CNTN4: variants seen among roughly 807,000 people sequenced by gnomAD.
The protein encoded by CNTN4 is contactin 4, also known as contactin-4.
A neutral mutation model predicts 122.5 loss-of-function variants in CNTN4; 77 were observed. The ratio of observed to expected loss-of-function variants is 0.63; its 90% confidence interval spans 0.52 to 0.76. The LOEUF is 0.76. CNTN4 is among the 30% of genes least tolerant of loss of function. The pLI is 0.00. For synonymous variants in CNTN4, 512 were observed against 447.0 expected (o/e 1.15, Z -1.83); for missense variants, 1,256 against 1,259.1 (o/e 1.00, Z 0.04).
chr3:2,405,579 A>C (rs368912878), intron 3 of CNTN4, among the ~76,000 whole-genome samples: 1 of 142,888 alleles, frequency 7.0e-6, no homozygotes, highest in African/African-American at 2.6e-5. Context: ...ATGCGAACCC[A>C]TACTGTTATA....
intron 14 of CNTN4, among the ~76,000 whole-genome samples, chr3:3,021,338 C>T (rs185312396): frequency 2.1e-4 from 32 of 152,148 alleles, no homozygotes; most frequent in Admixed American, 6.5e-4. Flanking sequence ...GAGATGCTAC[C>T]TCAGGATTAT....
At chr3:2,416,737 T>A (rs1251422640) in intron 3 of CNTN4, among the ~76,000 whole-genome samples, 2 of 152,068 alleles carry the variant, frequency 1.3e-5, no homozygotes, top group Admixed American at 6.5e-5. Flanking sequence ...CACTGCAAGC[T>A]CTGCCTCTCG....
At chr3:2,629,545 G>A (rs964110707) in intron 4 of CNTN4, 1 of 452,990 alleles carries the variant, frequency 2.2e-6, no homozygotes, top group Non-Finnish European at 4.4e-6. Context: ...CTGACTTCTG[G>A]TCCTTGCTGG....
intron 2 of CNTN4, among the ~76,000 whole-genome samples, chr3:2,287,781 G>C (rs2041995778): frequency 1.3e-5 from 2 of 150,726 alleles, no homozygotes; most frequent in Admixed American, 1.3e-4. Context: ...AGAAGAAGGA[G>C]AAGAAGAGGA....
rs545099083 is a variant in CNTN4 at position 2,545,617 on chromosome 3, CT to C, written c.-88-25786del. Among the ~76,000 whole-genome samples, 846 of 139,752 alleles carry C rather than the reference CT, an allele frequency of 6.1e-3. 6 individuals carry two copies. The highest frequency in any genetic ancestry group is 0.032 in the South Asian group (142 of 4,434). The allele number at this position is 139,752 out of a possible 152,430, so 91.7% of individuals were successfully genotyped here. On this transcript the variant is annotated intron_variant, in intron 3 of 24. Coordinates refer to ENST00000418658, the MANE Select transcript of CNTN4 (RefSeq NM_175607.3). ...TGAACCCTTTACTGTTATGTAATGC[CT>C]TTTTTTTTTTTTATCCTTTTCATCT...
intron 3 of CNTN4, among the ~76,000 whole-genome samples, chr3:2,544,038 T>C (rs146724416): frequency 1.0e-3 from 152 of 152,262 alleles, no homozygotes; most frequent in African/African-American, 3.3e-3. Flanking sequence ...TATTATTAAT[T>C]TGTTAATTCA....
At chr3:2,781,200 C>T (rs2091554300) in intron 6 of CNTN4, among the ~76,000 whole-genome samples, 1 of 152,202 alleles carries the variant, frequency 6.6e-6, no homozygotes, top group Admixed American at 6.5e-5. Flanking sequence ...AAAGCTCAAA[C>T]TCACTGAATT....
intron 3 of CNTN4, among the ~76,000 whole-genome samples, chr3:2,529,562 A>G (rs1235797043): frequency 6.6e-6 from 1 of 152,202 alleles, no homozygotes; most frequent in East Asian, 1.9e-4. Flanking sequence ...TACATGTATT[A>G]CTTACTATAT....
At chr3:2,704,851 A>C (rs1479092099) in intron 4 of CNTN4, among the ~76,000 whole-genome samples, 1 of 152,164 alleles carries the variant, frequency 6.6e-6, no homozygotes, top group African/African-American at 2.4e-5. Flanking sequence ...AGTCTTGAGA[A>C]AACTATGTTT....
intron 4 of CNTN4, among the ~76,000 whole-genome samples, chr3:2,721,556 C>T (rs1418525659): frequency 6.6e-6 from 1 of 152,138 alleles, no homozygotes; most frequent in Non-Finnish European, 1.5e-5. Context: ...ACTGAAGGCA[C>T]ACCTACTGCT....
At chr3:2,184,280 C>T (rs922607187) in intron 2 of CNTN4, among the ~76,000 whole-genome samples, 13 of 152,106 alleles carry the variant, frequency 8.5e-5, no homozygotes, top group Non-Finnish European at 1.0e-4. Context: ...AGCCACCACA[C>T]CAGCCTGAAA....
At chr3:2,761,578 A>G (rs1204304371) in intron 6 of CNTN4, among the ~76,000 whole-genome samples, 1 of 152,060 alleles carries the variant, frequency 6.6e-6, no homozygotes, top group African/African-American at 2.4e-5. Flanking sequence ...TTATTATGCT[A>G]TATGATAATT....
chr3:2,992,199 C>T (rs550124876), intron 14 of CNTN4, among the ~76,000 whole-genome samples: 1 of 152,288 alleles, frequency 6.6e-6, no homozygotes, highest in East Asian at 1.9e-4. Flanking sequence ...TATTCAGATT[C>T]TGCATGAGCA....
chr3:2,118,432 A>G (rs1395447102), intron 2 of CNTN4, among the ~76,000 whole-genome samples: 2 of 152,234 alleles, frequency 1.3e-5, no homozygotes, highest in Non-Finnish European at 2.9e-5. Context: ...GTGAATCTTC[A>G]TAAATGACAG....
At chr3:2,551,829 C>G (rs1347164349) in intron 3 of CNTN4, among the ~76,000 whole-genome samples, 2 of 152,028 alleles carry the variant, frequency 1.3e-5, no homozygotes, top group South Asian at 2.1e-4. Flanking sequence ...ATTGCAATGG[C>G]TTTTTAAAGG....
intron 6 of CNTN4, among the ~76,000 whole-genome samples, chr3:2,815,948 G>A (rs1183334548): frequency 6.6e-6 from 1 of 151,108 alleles, no homozygotes; most frequent in Non-Finnish European, 1.5e-5. Flanking sequence ...CAGTGACGTG[G>A]ATGAGATTGG....
chr3:2,756,728 C>T (rs961003875), intron 6 of CNTN4, among the ~76,000 whole-genome samples: 1 of 152,064 alleles, frequency 6.6e-6, no homozygotes, highest in Non-Finnish European at 1.5e-5. Context: ...GACTATGTTA[C>T]CATGGAGGCA....
At chr3:2,757,667 C>T (rs953245245) in intron 6 of CNTN4, among the ~76,000 whole-genome samples, 2 of 152,190 alleles carry the variant, frequency 1.3e-5, no homozygotes, top group African/African-American at 4.8e-5. Flanking sequence ...TTCTAGCTGT[C>T]ATGTATTTTA....
chr3:2,270,908 G>T (rs947538089), intron 2 of CNTN4, among the ~76,000 whole-genome samples: 1 of 152,100 alleles, frequency 6.6e-6, no homozygotes, highest in Non-Finnish European at 1.5e-5. Flanking sequence ...GTTCACAGGC[G>T]TGCAGGCTGT....
Sources: allele counts gnomAD v4.1 joint callset (sites outside exome capture counted in the v4.1 genomes callset), GRCh38; gene constraint gnomAD v4.1.1; transcripts MANE v1.5; gene names NCBI Gene and HGNC (gene_info 2026-07-23, HGNC 2026-07-21).